Variants in ANKRD17 observed in about 807,000 individuals in gnomAD.
The protein encoded by ANKRD17 is ankyrin repeat domain 17.
Under a neutral mutation model 229.7 loss-of-function variants are expected in ANKRD17, and 19 were observed. That is an observed-to-expected ratio of 0.08 (90% CI 0.06 to 0.12). ANKRD17 has a LOEUF of 0.12. Among genes scored for constraint, ANKRD17 ranks in the 10% least tolerant of loss-of-function variants. ANKRD17 has a pLI of 1.00. For missense variants in ANKRD17, 2,176 were observed against 3,176.8 expected, an observed-to-expected ratio of 0.68 and a Z score of 7.57; for synonymous variants, 1,112 against 1,146.1, an observed-to-expected ratio of 0.97 and a Z score of 0.60.
rs1029702398 is a variant in ANKRD17 at position 73,139,684 on chromosome 4, T to C, written c.2932A>G (p.Thr978Ala). The C allele has an allele frequency of 6.2e-7, 1 of 1,614,146 alleles. No homozygotes were observed. The highest frequency in any genetic ancestry group is 8.5e-7 in the Non-Finnish European group (1 of 1,180,034). The change falls in exon 15 of 34, where the codon ACA (threonine) becomes GCA (alanine). Residue 978 changes from threonine to alanine, a missense_variant. By Grantham distance (58) the Thr-to-Ala change is moderately conservative (BLOSUM62 0). Coordinates refer to ENST00000358602, the MANE Select transcript of ANKRD17 (RefSeq NM_032217.5). ...CCAACTATCACTCCTTGCAGTTCTGTAAGATTTGCGATGGACCCTGGAGGC... is the reference window on the plus strand; with the variant it reads ...CCAACTATCACTCCTTGCAGTTCTGCAAGATTTGCGATGGACCCTGGAGGC... The part of the protein sequence containing the change: ...PLPPGSIANL[T>A]ELQGVIVGQP...
intron 23 of ANKRD17, 47 bp from the exon 24 acceptor site, chr4:73,113,955 A>C (rs1725621395): frequency 2.2e-4 from 303 of 1,356,184 alleles, no homozygotes; most frequent in Middle Eastern, 3.6e-4. Context: ...AACAATTCTC[A>C]CTTAGAGAAA....
At chr4:73,192,620 C>T (rs1258084513) in intron 1 of ANKRD17, among the ~76,000 whole-genome samples, 1 of 152,010 alleles carries the variant, frequency 6.6e-6, no homozygotes, top group African/African-American at 2.4e-5. Flanking sequence ...AAAACAACTT[C>T]TTTAGACTTT....
In ANKRD17 at chr4:73,091,619, C is replaced by T; in HGVS notation, c.6009G>A (p.Val2003=). Residue 2003 remains valine (V), a synonymous_variant, in exon 29 of 34, where the codon GTG becomes GTA. Coordinates refer to ENST00000358602, the MANE Select transcript of ANKRD17 (RefSeq NM_032217.5). ...TTGTTGTGGTGGCATTGGATGTCTT[C>T]ACAACTGTGACAAAAAGCTGCCTTC... ...SVRRQLFVTV[V]KTSNATTTTV... 6.2e-7 allele frequency: 1 copy of T among 1,614,124 alleles called. No homozygotes were observed. The highest frequency in any genetic ancestry group is 8.5e-7 in the Non-Finnish European group (1 of 1,180,038).
At chr4:73,238,034 A>G (rs1382871106) in intron 1 of ANKRD17, among the ~76,000 whole-genome samples, 2 of 152,018 alleles carry the variant, frequency 1.3e-5, no homozygotes, top group African/African-American at 4.8e-5. Context: ...TATAAATTCA[A>G]TAAGATAACC....
At chr4:73,105,125 C>A (rs898854340) in intron 24 of ANKRD17, among the ~76,000 whole-genome samples, 1 of 152,044 alleles carries the variant, frequency 6.6e-6, no homozygotes, top group African/African-American at 2.4e-5. Context: ...CCTAGGGAAA[C>A]CTTCTGGGGG....
chr4:73,124,643 ACTGATTTGACT>A (rs1207845325), intron 18 of ANKRD17, among the ~76,000 whole-genome samples: 2 of 152,218 alleles, frequency 1.3e-5, no homozygotes, highest in East Asian at 3.8e-4. Flanking sequence ...TTAGGAACTT[ACTGATTTGACT>A]TGGAATAGTC....
intron 1 of ANKRD17, among the ~76,000 whole-genome samples, chr4:73,187,014 G>A: frequency 6.6e-6 from 1 of 151,930 alleles, no homozygotes; most frequent in East Asian, 1.9e-4. Context: ...TCATAAGCCT[G>A]GTGACATTTC....
intron 1 of ANKRD17, among the ~76,000 whole-genome samples, chr4:73,202,513 T>G (rs1350435004): frequency 6.6e-6 from 1 of 152,072 alleles, no homozygotes; most frequent in East Asian, 1.9e-4. Context: ...GGTGGAGAAA[T>G]ATCAAAATCT....
rs10533861 is a variant in ANKRD17 at position 73,202,318 on chromosome 4, TAAAAAAAAAAAAAAAA to T, written c.394-24801_394-24786del. ...ACCAAACCCAAGGCAGGAACAGGAT[TAAAAAAAAAAAAAAAA>T]AAAAAAAAAAAAAGGCACAGAACTG... On this transcript the variant is annotated intron_variant, in intron 1 of 33. Transcript: ENST00000358602. 1.8e-4 allele frequency among the ~76,000 whole-genome samples: 4 copies of T among 21,902 alleles called. No homozygotes were observed. The Admixed American group carries it at 3.5e-3, about 19-fold the overall frequency. 14.4% of individuals were successfully genotyped at this position (21,902 alleles called of 152,430 possible).
At chr4:73,214,902 CT>C (rs1329401143) in intron 1 of ANKRD17, among the ~76,000 whole-genome samples, 2 of 145,648 alleles carry the variant, frequency 1.4e-5, no homozygotes, top group Non-Finnish European at 3.0e-5. Context: ...TTTTTTCAGT[CT>C]TGAATATATT....
intron 1 of ANKRD17, among the ~76,000 whole-genome samples, chr4:73,229,433 A>G (rs200769003): frequency 5.3e-5 from 8 of 152,178 alleles, no homozygotes; most frequent in African/African-American, 9.7e-5. Context: ...TCTGAAATCA[A>G]TATTAGTTTT....
chr4:73,102,264 A>C, intron 25 of ANKRD17, 112 bp downstream of exon 25: 1 of 1,150,214 alleles, frequency 8.7e-7, no homozygotes, highest in Non-Finnish European at 1.2e-6. Context: ...TGCCTGGCCT[A>C]TGTTAAGGGG....
chr4:73,112,873 C>T (rs1725487438), intron 24 of ANKRD17: 1 of 299,964 alleles, frequency 3.3e-6, no homozygotes, highest in Non-Finnish European at 4.9e-6. Flanking sequence ...CTGCAACCTC[C>T]GCCTCCCAGG....
intron 19 of ANKRD17, 79 bp from the exon 20 acceptor site, chr4:73,121,173 T>G: frequency 8.3e-7 from 1 of 1,209,142 alleles, no homozygotes; most frequent in African/African-American, 1.5e-5. Flanking sequence ...GATATATAAT[T>G]CTAATCTAAG....
At chr4:73,099,343 G>A (rs1342195083) in intron 25 of ANKRD17, among the ~76,000 whole-genome samples, 1 of 152,082 alleles carries the variant, frequency 6.6e-6, no homozygotes, top group Admixed American at 6.5e-5. Flanking sequence ...CCCATGGGCT[G>A]AGTGGGAAGC....
rs1560507899 is a variant in ANKRD17, at chr4:73,094,094, C to T, written c.5312G>A (p.Arg1771Gln). The T allele has an allele frequency of 1.9e-6, 3 of 1,613,494 alleles. No individual in the cohort carries two copies. Among genetic ancestry groups the T allele is most frequent in the Non-Finnish European group, 2.5e-6 (3 of 1,179,664 alleles). The change falls in exon 28 of 34, where the codon CGG (arginine) becomes CAG (glutamine). Residue 1771 changes from arginine (R) to glutamine (Q), a missense_variant. Around this residue, in one of 18 missense-constraint regions of ANKRD17, gnomAD observed 27 missense variants for 89.2 expected, o/e 0.30. Coordinates refer to ENST00000358602, the MANE Select transcript of ANKRD17 (RefSeq NM_032217.5). ...AAAGTTTTGCCTTATAGTGATTATC[C>T]GGTCTCCAGTCTTGTCTTTCTGTTT... is the stretch of plus-strand genomic sequence containing the variant. ...IDKQKDKTGD[R>Q]IITIRGGTES...
chr4:73,128,171 G>A (rs1185519057), intron 16 of ANKRD17, among the ~76,000 whole-genome samples: 1 of 152,208 alleles, frequency 6.6e-6, no homozygotes, highest in Non-Finnish European at 1.5e-5. Flanking sequence ...GGAGATAAAG[G>A]CTCTGATAAA....
At chr4:73,204,710 T>C (rs1025766123) in intron 1 of ANKRD17, among the ~76,000 whole-genome samples, 2 of 152,124 alleles carry the variant, frequency 1.3e-5, no homozygotes, top group African/African-American at 4.8e-5. Flanking sequence ...ATAAGATACA[T>C]GACAATATTC....
chr4:73,195,595 G>T (rs1737748063), intron 1 of ANKRD17, among the ~76,000 whole-genome samples: 1 of 151,846 alleles, frequency 6.6e-6, no homozygotes, highest in South Asian at 2.1e-4. Flanking sequence ...TGCAACCTCT[G>T]CCTCCCGGGT....
Sources: allele counts gnomAD v4.1 joint callset (sites outside exome capture counted in the v4.1 genomes callset), GRCh38; gene constraint gnomAD v4.1.1; regional missense constraint gnomAD v4.1.1; transcripts MANE v1.5; gene names NCBI Gene and HGNC (gene_info 2026-07-23, HGNC 2026-07-21).